WWC1: variants seen among roughly 807,000 people sequenced by gnomAD.
WWC1 encodes the protein protein KIBRA.
WWC1 carries 55 observed loss-of-function variants against 138.4 expected under a neutral mutation model. That is an observed-to-expected ratio of 0.40 (90% CI 0.32 to 0.50). The LOEUF (loss-of-function observed/expected upper bound fraction) is 0.50, where lower values mean the gene tolerates loss of function less well. Ranked by LOEUF, WWC1 falls within the 20% of genes least tolerant of loss-of-function variation. WWC1 has a pLI of 0.72. For missense variants in WWC1, 1,226 were observed against 1,420.4 expected (o/e 0.86, Z 2.20); for synonymous variants, 524 against 564.9 (o/e 0.93, Z 1.03).
intron 6 of WWC1, among the ~76,000 whole-genome samples, chr5:168,406,758 G>A (rs562913127): frequency 7.2e-5 from 11 of 152,054 alleles, no homozygotes; most frequent in Admixed American, 2.6e-4. Context: ...TGGCTAACAC[G>A]GAGAAACCCC....
chr5:168,465,372 C>CA (rs1159974589), intron 21 of WWC1, among the ~76,000 whole-genome samples: 2 of 151,300 alleles, frequency 1.3e-5, no homozygotes, highest in Admixed American at 1.3e-4. Context: ...CAGCCCTTGC[C>CA]AAAGGGGGAG....
chr5:168,324,549 T>A (rs1772380043), intron 1 of WWC1, among the ~76,000 whole-genome samples: 1 of 152,186 alleles, frequency 6.6e-6, no homozygotes, highest in African/African-American at 2.4e-5. Context: ...ATTTCTTCAT[T>A]TCTTTAAAAG....
chr5:168,322,409 T>C (rs1228208115), intron 1 of WWC1, among the ~76,000 whole-genome samples: 1 of 152,168 alleles, frequency 6.6e-6, no homozygotes, highest in Non-Finnish European at 1.5e-5. Flanking sequence ...ATAGATAATA[T>C]ATCGACAAAC....
At chr5:168,444,737 A>G in intron 17 of WWC1, 152 bp downstream of exon 17, 1 of 747,496 alleles carries the variant, frequency 1.3e-6, no homozygotes, top group Non-Finnish European at 2.1e-6. Flanking sequence ...GCAAAAAGGC[A>G]ATGTAACCTA....
intron 1 of WWC1, among the ~76,000 whole-genome samples, chr5:168,295,483 C>CGTGTGTGTGTGTGTGTGTGTGTGTGT (rs3138761): frequency 2.8e-5 from 4 of 142,572 alleles, no homozygotes; most frequent in African/African-American, 1.1e-4. Context: ...ATTTCTACTC[C>CGTGTGTGTGTGTGTGTGTGTGTGTGT]GTGTGTGTGT....
chr5:168,440,526 T>C (rs1383028300), intron 15 of WWC1, among the ~76,000 whole-genome samples: 1 of 151,880 alleles, frequency 6.6e-6, no homozygotes, highest in East Asian at 1.9e-4. Context: ...TTGTTTTGTT[T>C]TGTTTTTGAG....
intron 3 of WWC1, among the ~76,000 whole-genome samples, chr5:168,389,924 A>C (rs957371843): frequency 3.3e-5 from 5 of 152,214 alleles, no homozygotes; most frequent in African/African-American, 1.2e-4. Flanking sequence ...CATAAGTGTC[A>C]TAGGGGATAA....
intron 1 of WWC1, among the ~76,000 whole-genome samples, chr5:168,296,388 A>T (rs1478367755): frequency 6.6e-6 from 1 of 152,122 alleles, no homozygotes; most frequent in Non-Finnish European, 1.5e-5. Flanking sequence ...TTTCAGAAAT[A>T]ATTGATATGG....
At chr5:168,399,216 A>G (rs191448924) in intron 4 of WWC1, among the ~76,000 whole-genome samples, 1 of 75,806 alleles carries the variant, frequency 1.3e-5, no homozygotes, top group East Asian at 3.0e-4. Flanking sequence ...ATCCCAGGTC[A>G]GCTCCTGTCC....
At chr5:168,402,109 T>G (rs1779350274) in intron 5 of WWC1, among the ~76,000 whole-genome samples, 1 of 152,200 alleles carries the variant, frequency 6.6e-6, no homozygotes, top group South Asian at 2.1e-4. Flanking sequence ...AAAACTCTTG[T>G]TGTTTGGTAA....
intron 1 of WWC1, among the ~76,000 whole-genome samples, chr5:168,365,805 G>C (rs1776246286): frequency 6.6e-6 from 1 of 152,250 alleles, no homozygotes; most frequent in Admixed American, 6.5e-5. Flanking sequence ...TGCTCCTTTA[G>C]AGATTTGTAA....
chr5:168,347,889 G>T (rs1455731603), intron 1 of WWC1, among the ~76,000 whole-genome samples: 1 of 152,206 alleles, frequency 6.6e-6, no homozygotes, highest in Non-Finnish European at 1.5e-5. Flanking sequence ...TCCAGAGAAA[G>T]AATGTAAGTC....
intron 3 of WWC1, among the ~76,000 whole-genome samples, chr5:168,396,644 AC>A (rs1211076651): frequency 2.0e-5 from 3 of 152,172 alleles, no homozygotes; most frequent in African/African-American, 7.2e-5. Flanking sequence ...CCCTCACATT[AC>A]CAGTTATGAG....
chr5:168,465,396 ACCAGGG>A (rs71701301), intron 21 of WWC1, among the ~76,000 whole-genome samples: 16,922 of 151,944 alleles, frequency 0.11, 1,237 homozygotes, highest in Non-Finnish European at 0.16. Context: ...GGCTGGTCAC[ACCAGGG>A]CCTTCTGCTA....
intron 21 of WWC1, among the ~76,000 whole-genome samples, chr5:168,465,513 A>G (rs565719555): frequency 1.4e-4 from 19 of 132,824 alleles, no homozygotes; most frequent in African/African-American, 5.3e-4. Flanking sequence ...TAACCTCAAA[A>G]TGGTGTTAGC....
rs769013280 is a variant in WWC1 at position 168,428,052 on chromosome 5, G to C, written c.1830G>C (p.Gly610=). Residue 610 remains glycine, a synonymous_variant, in exon 12 of 23, where the codon GGG becomes GGC. Transcript: ENST00000265293. The part of the protein sequence containing the change: ...QLGQAVNTAQ[G]CGLKVACVSA... ...CCCTAGCTGTGAATACGGCCCAGGG[G>C]TGTGGCCTGAAAGTGGCCTGTGTCT... 2 of 1,613,594 alleles carry C rather than the reference G, an allele frequency of 1.2e-6. No individual in the cohort carries two copies. Among genetic ancestry groups the C allele is most frequent in the South Asian group, 2.2e-5 (2 of 91,074 alleles).
chr5:168,385,813 T>A (rs1436715475), intron 3 of WWC1, among the ~76,000 whole-genome samples: 1 of 152,190 alleles, frequency 6.6e-6, no homozygotes, highest in East Asian at 1.9e-4. Context: ...ACAATTCACT[T>A]AATAAATAGT....
intron 1 of WWC1, among the ~76,000 whole-genome samples, chr5:168,327,822 G>C (rs185315239): frequency 6.6e-6 from 1 of 152,338 alleles, no homozygotes; most frequent in Admixed American, 6.5e-5. Context: ...ATATAAGCTC[G>C]TGTTGGCAGG....
intron 9 of WWC1, among the ~76,000 whole-genome samples, chr5:168,418,584 A>G (rs1302129213): frequency 2.0e-5 from 3 of 151,988 alleles, no homozygotes; most frequent in Non-Finnish European, 1.5e-5. Context: ...TGGCCTCGGC[A>G]CCTGTGCATT....
Sources: gnomAD v4.1 joint callset for allele counts (sites outside exome capture counted in the v4.1 genomes callset) on GRCh38, gnomAD v4.1.1 for gene constraint, MANE v1.5 for transcripts, NCBI Gene and HGNC (gene_info 2026-07-23, HGNC 2026-07-21) for gene names.